The following NCBP3 variants were observed in gnomAD, a reference collection of about 807,000 sequenced individuals.
NCBP3 encodes nuclear cap binding subunit 3, also known as nuclear cap-binding protein subunit 3.
Under a neutral mutation model 75.7 loss-of-function variants are expected in NCBP3, and 20 were observed. The observed-to-expected ratio is 0.26, with a 90% CI of 0.19 to 0.38. The LOEUF is 0.38. Ranked by LOEUF, NCBP3 falls within the 10% of genes least tolerant of loss-of-function variation. The probability of loss-of-function intolerance (pLI) is 1.00; values close to 1 mark genes in which losing one functional copy is unlikely to be tolerated. For missense variants in NCBP3, 678 were observed against 796.9 expected, an observed-to-expected ratio of 0.85 and a Z score of 1.80; for synonymous variants, 293 against 290.5, an observed-to-expected ratio of 1.01 and a Z score of -0.09.
Position 3,809,876 on chromosome 17 carries a change from C to A in NCBP3, c.*3168G>T, listed in dbSNP as rs1017772532. On this transcript the variant is annotated 3_prime_UTR_variant, in exon 13 of 13. Coordinates refer to ENST00000389005, the MANE Select transcript of NCBP3 (RefSeq NM_001114118.3). ...TGATAGAAGCTATGACATGGATGAA[C>A]CTCAGAAATATGTTAAGAAGCCAGT... 4.0e-5 allele frequency: 6 copies of A among 151,846 alleles called. No individual in the cohort carries two copies. Among genetic ancestry groups the A allele is most frequent in the Non-Finnish European group, 7.4e-5 (5 of 67,954 alleles). The allele number at this position is 151,846 out of a possible 1,614,324, so 9.4% of individuals were successfully genotyped here.
chr17:3,833,053 G>A (rs1243576337), intron 3 of NCBP3, among the ~76,000 whole-genome samples: 4 of 151,730 alleles, frequency 2.6e-5, no homozygotes, highest in Non-Finnish European at 4.4e-5. Context: ...AGTTCGAGAG[G>A]CCAGCCTGGG....
rs1212133250 is a variant in NCBP3 at position 3,830,105 on chromosome 17, T to C, written c.356-737A>G. Among the ~76,000 whole-genome samples the C allele has an allele frequency of 2.0e-5, 3 of 152,318 alleles. No individual in the cohort carries two copies. The East Asian group carries it at 5.8e-4, about 29-fold the overall frequency. On this transcript the variant is annotated intron_variant, in intron 3 of 12. Coordinates refer to ENST00000389005, the MANE Select transcript of NCBP3 (RefSeq NM_001114118.3). The stretch of plus-strand genomic sequence containing the variant: ...TAGGGGAAAGGCTTACTTCCCCGGC[T>C]GGTGGGCATCGTCACTGCGGAGGGC...
In NCBP3 at chr17:3,844,211, T is replaced by C. The variant is rs1336222297; in HGVS notation, c.184-1060A>G. 2.0e-5 allele frequency among the ~76,000 whole-genome samples: 3 copies of C among 152,142 alleles called. 1 individual carries two copies. The highest frequency in any genetic ancestry group is 4.4e-5 in the Non-Finnish European group (3 of 68,016). ...ACAGTGCAATGCAAAGGGGATGGGA[T>C]TTGGAAACCAAGCGAGGACTGAAGC... On this transcript the variant is annotated intron_variant, in intron 1 of 12. Coordinates refer to ENST00000389005, the MANE Select transcript of NCBP3 (RefSeq NM_001114118.3).
At chr17:3,845,724 C>A (rs891103502) in intron 1 of NCBP3, among the ~76,000 whole-genome samples, 2 of 152,138 alleles carry the variant, frequency 1.3e-5, no homozygotes, top group Non-Finnish European at 2.9e-5. Context: ...TTATCTCATC[C>A]TTCCAGCCCC....
intron 12 of NCBP3, 125 bp from the exon 13 acceptor site, chr17:3,813,404 C>A (rs1418963211): frequency 3.3e-6 from 4 of 1,199,164 alleles, no homozygotes; most frequent in Non-Finnish European, 4.7e-6. Context: ...GAGCCTGCCA[C>A]CACAGTGCAG....
In NCBP3 at chr17:3,832,156, A is replaced by C. The variant is rs1046870134; in HGVS notation, c.356-2788T>G. On this transcript the variant is annotated intron_variant, in intron 3 of 12. Coordinates refer to ENST00000389005, the MANE Select transcript of NCBP3 (RefSeq NM_001114118.3). ...CCGAGATTGTGCCATTGCACTCCAG[A>C]CTGGGCGACAGGGCAAGACTCCGTC... Among the ~76,000 whole-genome samples, 11 of 99,286 alleles carry C rather than the reference A, an allele frequency of 1.1e-4. 3 individuals carry two copies. In the East Asian group the frequency reaches 1.8e-3, roughly 16 times the overall value. 65.1% of individuals were successfully genotyped at this position (99,286 alleles called of 152,430 possible).
Position 3,812,963 on chromosome 17 carries a change from T to C in NCBP3, c.*81A>G, listed in dbSNP as rs1349378661. ...GCAGGAGCGAGAGGGCGCCAGCTCCTGCGGGGGAGGTTCCTACTGCGCGCC... is the reference window on the plus strand; with the variant it reads ...GCAGGAGCGAGAGGGCGCCAGCTCCCGCGGGGGAGGTTCCTACTGCGCGCC... On this transcript the variant is annotated 3_prime_UTR_variant, in exon 13 of 13. Transcript: ENST00000389005. 1.3e-6 allele frequency: 2 copies of C among 1,579,702 alleles called. No individual in the cohort carries two copies. Among genetic ancestry groups the C allele is most frequent in the Non-Finnish European group, 1.7e-6 (2 of 1,163,344 alleles).
At chr17:3,832,426 C>G (rs564926820) in intron 3 of NCBP3, among the ~76,000 whole-genome samples, 1,433 of 117,432 alleles carry the variant, frequency 0.012, 72 homozygotes, top group African/African-American at 0.035. Flanking sequence ...AAGGTCAGAT[C>G]GAGACCATCC....
chr17:3,811,669 T>C lies in NCBP3; in HGVS notation c.*1375A>G, dbSNP rs1015751011. ...AAGATCGACAGGATCCAGGCTGCAC[T>C]GTGTGCACAACAGCCCAGGCAGGTG... On this transcript the variant is annotated 3_prime_UTR_variant, in exon 13 of 13. Coordinates refer to ENST00000389005, the MANE Select transcript of NCBP3 (RefSeq NM_001114118.3). The C allele has an allele frequency of 6.6e-6, 1 of 152,244 alleles. No individual in the cohort carries two copies. The highest frequency in any genetic ancestry group is 1.5e-5 in the Non-Finnish European group (1 of 68,042). The allele number at this position is 152,244 out of a possible 1,614,324, so 9.4% of individuals were successfully genotyped here. A position where few individuals can be genotyped will look rare whatever the true frequency, so the allele number is the denominator to read the frequency against.
chr17:3,813,638 A>C (rs962271938), intron 12 of NCBP3, among the ~76,000 whole-genome samples: 40 of 152,254 alleles, frequency 2.6e-4, no homozygotes, highest in Admixed American at 1.8e-3. Context: ...GGCCACTCCC[A>C]GATCCCTTCC....
chr17:3,830,314 A>G (rs2053855383), intron 3 of NCBP3, among the ~76,000 whole-genome samples: 1 of 152,246 alleles, frequency 6.6e-6, no homozygotes, highest in Non-Finnish European at 1.5e-5. Context: ...ATTATGCTTT[A>G]TCCACATTAT....
Position 3,842,950 on chromosome 17 carries a change from A to G in NCBP3, c.249+136T>C, listed in dbSNP as rs999975110. ...TGAGCCAGCGTGCCTGGCCAATAACACAATTTTTTTTAGAAAAAAAATTTA... is the reference window on the plus strand; with the variant it reads ...TGAGCCAGCGTGCCTGGCCAATAACGCAATTTTTTTTAGAAAAAAAATTTA... On this transcript the variant is annotated intron_variant, in intron 2 of 12. Coordinates refer to ENST00000389005, the MANE Select transcript of NCBP3 (RefSeq NM_001114118.3). 12 of 794,398 alleles carry G rather than the reference A, an allele frequency of 1.5e-5. No individual in the cohort carries two copies. In the Admixed American group the frequency reaches 1.7e-4, roughly 11 times the overall value. The allele number at this position is 794,398 out of a possible 1,614,324, so 49.2% of individuals were successfully genotyped here.
chr17:3,815,124 C>T (rs964830551), intron 11 of NCBP3, among the ~76,000 whole-genome samples: 15 of 152,328 alleles, frequency 9.8e-5, no homozygotes, highest in African/African-American at 2.4e-4. Context: ...AGTCTTCCTT[C>T]ACAAGACTAT....
chr17:3,813,389 C>T lies in NCBP3; in HGVS notation c.1628-110G>A, dbSNP rs2053461587. On this transcript the variant is annotated intron_variant, in intron 12 of 12. Transcript: ENST00000389005. ...CTGCTGTGCAGGAAACGCCAGCAGT[C>T]TGTGGAGCCTGCCACCACAGTGCAG... 23 of 1,316,258 alleles carry T rather than the reference C, an allele frequency of 1.7e-5. No homozygotes were observed. The South Asian group carries it at 2.9e-4, about 16-fold the overall frequency. The allele number at this position is 1,316,258 out of a possible 1,614,324, so 81.5% of individuals were successfully genotyped here.
In NCBP3 at chr17:3,809,009, C is replaced by T. The variant is rs2053367238; in HGVS notation, c.*4035G>A. ...AATCAAAACCACAATGAGAGCCAGG[C>T]GTGGTGGCTCATGCCTGTAATCTCG... is the stretch of plus-strand genomic sequence containing the variant. On this transcript the variant is annotated 3_prime_UTR_variant, in exon 13 of 13. Coordinates refer to ENST00000389005, the MANE Select transcript of NCBP3 (RefSeq NM_001114118.3). The T allele has an allele frequency of 6.6e-6, 1 of 152,208 alleles. No individual in the cohort carries two copies. The highest frequency in any genetic ancestry group is 1.5e-5 in the Non-Finnish European group (1 of 68,038). 9.4% of individuals were successfully genotyped at this position (152,208 alleles called of 1,614,324 possible).
chr17:3,813,721 A>G lies in NCBP3; in HGVS notation c.1628-442T>C, dbSNP rs985907327. On this transcript the variant is annotated intron_variant, in intron 12 of 12. Coordinates refer to ENST00000389005, the MANE Select transcript of NCBP3 (RefSeq NM_001114118.3). ...CGTGTTTAGAATTTTGTAGACGGCC[A>G]CATTATAAGGCAATTCAAAGTTGTT... Among the ~76,000 whole-genome samples the G allele has an allele frequency of 2.6e-5, 4 of 152,230 alleles. No homozygotes were observed. In the South Asian group the frequency reaches 6.2e-4, roughly 24 times the overall value.
At chr17:3,842,980 C>T in intron 2 of NCBP3, 106 bp downstream of exon 2, 1 of 1,014,564 alleles carries the variant, frequency 9.9e-7, no homozygotes, top group South Asian at 1.5e-5. Context: ...AATTTAAATC[C>T]AGCAACAAAA....
At chr17:3,820,988 GA>G (rs1300753298) in intron 9 of NCBP3, among the ~76,000 whole-genome samples, 2 of 151,860 alleles carry the variant, frequency 1.3e-5, no homozygotes, top group Non-Finnish European at 2.9e-5. Context: ...GAAAAATTAG[GA>G]TCCTAAGGAA....
At position 3,812,843 on chromosome 17, in the gene NCBP3, A is replaced by G; in HGVS notation, c.*201T>C. The G allele has an allele frequency of 1.4e-6, 2 of 1,411,136 alleles. No individual in the cohort carries two copies. Among genetic ancestry groups the G allele is most frequent in the Non-Finnish European group, 1.8e-6 (2 of 1,085,162 alleles). The allele number at this position is 1,411,136 out of a possible 1,614,324, so 87.4% of individuals were successfully genotyped here. ...GGAAAGGAATCGAGGGCCCAGAACTACAACTCTGCAGCGAAAGATAGAGAT... is the reference window on the plus strand; with the variant it reads ...GGAAAGGAATCGAGGGCCCAGAACTGCAACTCTGCAGCGAAAGATAGAGAT... On this transcript the variant is annotated 3_prime_UTR_variant, in exon 13 of 13. Coordinates refer to ENST00000389005, the MANE Select transcript of NCBP3 (RefSeq NM_001114118.3).
Sources: gnomAD v4.1 joint callset for allele counts (sites outside exome capture counted in the v4.1 genomes callset) on GRCh38, gnomAD v4.1.1 for gene constraint, MANE v1.5 for transcripts, NCBI Gene and HGNC (gene_info 2026-07-23, HGNC 2026-07-21) for gene names.